FTCDNL1: variants seen among roughly 807,000 people sequenced by gnomAD.
The protein encoded by FTCDNL1 is formiminotransferase N-terminal subdomain-containing protein.
Under a neutral mutation model 5.9 loss-of-function variants are expected in FTCDNL1, and 11 were observed. That is an observed-to-expected ratio of 1.87 (90% confidence interval 1.18 to 3.10). The LOEUF (loss-of-function observed/expected upper bound fraction) is 3.10, where lower values mean the gene tolerates loss of function less well. FTCDNL1 is among the 30% of genes most tolerant of loss of function. FTCDNL1 has a pLI of 0.00. For missense variants in FTCDNL1, 115 were observed against 65.5 expected (o/e 1.76, Z -2.61); for synonymous variants, 58 against 24.8 (o/e 2.34, Z -3.99).
intron 3 of FTCDNL1, among the ~76,000 whole-genome samples, chr2:199,840,607 T>C (rs2076557602): frequency 6.6e-6 from 1 of 152,162 alleles, no homozygotes; most frequent in Admixed American, 6.6e-5. Context: ...AAGTGTGATA[T>C]TTCGATATCT....
chr2:199,665,331 G>C, the FTCDNL1 span, among the ~76,000 whole-genome samples: 99 of 152,172 alleles, frequency 6.5e-4, no homozygotes, highest in African/African-American at 2.3e-3. Context: ...TATCCCCAGG[G>C]AAATGAAAGT....
chr2:199,718,682 T>A, the FTCDNL1 span, among the ~76,000 whole-genome samples: 253 of 152,312 alleles, frequency 1.7e-3, no homozygotes, highest in African/African-American at 5.8e-3. Context: ...TGTATAAGCA[T>A]TCCCTTTACT....
At chr2:199,668,652 C>A in the FTCDNL1 span, among the ~76,000 whole-genome samples, 128 of 152,052 alleles carry the variant, frequency 8.4e-4, no homozygotes, top group Non-Finnish European at 1.6e-3. Context: ...ATGTTTGTCA[C>A]CCCAGTCAGT....
chr2:199,700,354 T>A, the FTCDNL1 span, among the ~76,000 whole-genome samples: 2 of 152,058 alleles, frequency 1.3e-5, 1 homozygote, highest in South Asian at 4.1e-4. Context: ...AGGTGAAAGA[T>A]CTCTACAAAG....
chr2:199,760,960 G>A (rs879423823), intron 3 of FTCDNL1: 2 of 682,302 alleles, frequency 2.9e-6, no homozygotes, highest in East Asian at 2.7e-5. Flanking sequence ...CTACCTGGCA[G>A]CTGTCTTCCA....
rs138923206 is a variant in FTCDNL1 at position 199,787,958 on chromosome 2, T to C, written c.212-27123A>G. On this transcript the variant is annotated intron_variant, in intron 3 of 3. Transcript: ENST00000416668. ...GTGTCATTAGCACTAAATGCAAAATTGGAATTGTAAGCACTGCAGATTTGT... is the reference window on the plus strand; with the variant it reads ...GTGTCATTAGCACTAAATGCAAAATCGGAATTGTAAGCACTGCAGATTTGT... Among the ~76,000 whole-genome samples, 278 of 152,280 alleles carry C rather than the reference T, an allele frequency of 1.8e-3. 1 individual carries two copies. Among genetic ancestry groups the C allele is most frequent in the African/African-American group, 6.3e-3 (263 of 41,544 alleles).
chr2:199,792,401 G>A (rs1699976757), intron 3 of FTCDNL1, among the ~76,000 whole-genome samples: 1 of 152,090 alleles, frequency 6.6e-6, no homozygotes, highest in South Asian at 2.1e-4. Flanking sequence ...CCTCCTTTGA[G>A]GATCCTTCCC....
At chr2:199,668,778 C>CA in the FTCDNL1 span, among the ~76,000 whole-genome samples, 1 of 151,910 alleles carries the variant, frequency 6.6e-6, no homozygotes, top group Non-Finnish European at 1.5e-5. Flanking sequence ...GATTTGGAGA[C>CA]AAAAATTGCA....
At chr2:199,668,533 A>G in the FTCDNL1 span, among the ~76,000 whole-genome samples, 4 of 152,208 alleles carry the variant, frequency 2.6e-5, no homozygotes, top group African/African-American at 9.6e-5. Context: ...CTCAGAGATA[A>G]GAGGTAAGGC....
chr2:199,777,879 G>A (rs1358765922), intron 3 of FTCDNL1, among the ~76,000 whole-genome samples: 2 of 152,128 alleles, frequency 1.3e-5, no homozygotes. Flanking sequence ...ATGTCTAAAT[G>A]TGGGGCACAA....
intron 4 of FTCDNL1, among the ~76,000 whole-genome samples, chr2:199,816,595 A>G (rs1268782717): frequency 2.6e-5 from 4 of 152,210 alleles, no homozygotes; most frequent in Admixed American, 1.3e-4. Flanking sequence ...ATTTTACAAT[A>G]TTGAGATCAT....
rs111288723 is a variant in FTCDNL1 at position 199,794,107 on chromosome 2, G to T, written c.212-33272C>A. ...TCATCATTGAAAATACAGATACGTT[G>T]AAATTTTATAATTCTGGATGAATAG... On this transcript the variant is annotated intron_variant, in intron 3 of 3. Coordinates refer to the FTCDNL1 transcript ENST00000416668. 2.9e-3 allele frequency among the ~76,000 whole-genome samples: 439 copies of T among 152,244 alleles called. 1 individual carries two copies. The highest frequency in any genetic ancestry group is 5.1e-3 in the Non-Finnish European group (346 of 68,010).
At chr2:199,760,659 G>A (rs1698226558) in exon 4 of FTCDNL1, 3 of 577,510 alleles carry the variant, frequency 5.2e-6, no homozygotes, top group Non-Finnish European at 9.5e-6. Context: ...TTAGAATTTA[G>A]TAATTCTGGG....
the FTCDNL1 span, among the ~76,000 whole-genome samples, chr2:199,741,000 A>C: frequency 1.3e-5 from 2 of 152,128 alleles, no homozygotes; most frequent in Admixed American, 1.3e-4. Flanking sequence ...TTCACAGATC[A>C]CAAAGAACGG....
chr2:199,769,187 A>G (rs1306457551), intron 3 of FTCDNL1, among the ~76,000 whole-genome samples: 1 of 151,926 alleles, frequency 6.6e-6, no homozygotes, highest in African/African-American at 2.4e-5. Context: ...ATCCTTTCCC[A>G]CAGGTGCTGA....
chr2:199,838,283 A>T (rs963494169), intron 3 of FTCDNL1, among the ~76,000 whole-genome samples: 4 of 152,216 alleles, frequency 2.6e-5, no homozygotes, highest in African/African-American at 9.7e-5. Flanking sequence ...ATGCTCCTGA[A>T]AATTTACCAA....
At chr2:199,691,452 T>C in the FTCDNL1 span, among the ~76,000 whole-genome samples, 1 of 152,238 alleles carries the variant, frequency 6.6e-6, no homozygotes, top group Non-Finnish European at 1.5e-5. Context: ...CACTAAATAA[T>C]TACAGTTGAC....
chr2:199,799,608 T>C (rs1700343393), intron 3 of FTCDNL1, among the ~76,000 whole-genome samples: 1 of 152,154 alleles, frequency 6.6e-6, no homozygotes, highest in Non-Finnish European at 1.5e-5. Context: ...ACACAGGTGC[T>C]CTCCCATTTT....
intron 3 of FTCDNL1, among the ~76,000 whole-genome samples, chr2:199,773,715 T>C (rs918777192): frequency 2.0e-5 from 3 of 152,240 alleles, no homozygotes; most frequent in Admixed American, 6.5e-5. Flanking sequence ...TGTCCATCTA[T>C]CTTGCTATGT....
Sources: allele counts gnomAD v4.1 joint callset (sites outside exome capture counted in the v4.1 genomes callset), GRCh38; gene constraint gnomAD v4.1.1; transcripts MANE v1.5; gene names NCBI Gene and HGNC (gene_info 2026-07-23, HGNC 2026-07-21).